Variants in DIXDC1 observed in about 807,000 individuals in gnomAD.
DIXDC1 encodes the protein dixin.
In DIXDC1, 64 loss-of-function variants were observed where a neutral mutation model predicts 103.1. The ratio of observed to expected loss-of-function variants is 0.62; its 90% CI spans 0.51 to 0.76. The LOEUF is 0.76. DIXDC1 is among the 30% of genes least tolerant of loss of function. The pLI, the probability that DIXDC1 is intolerant of heterozygous loss-of-function variation, is 0.00. For synonymous variants in DIXDC1, 266 were observed against 298.5 expected (o/e 0.89, Z 1.12); for missense variants, 759 against 834.2 (o/e 0.91, Z 1.11).
intron 1 of DIXDC1, among the ~76,000 whole-genome samples, chr11:111,951,954 C>G (rs1419818724): frequency 1.3e-5 from 2 of 151,870 alleles, no homozygotes; most frequent in Non-Finnish European, 2.9e-5. Context: ...CGATTTCCAC[C>G]TCCTAGGTTC....
At chr11:112,005,525 G>A (rs1861207369) in intron 17 of DIXDC1, among the ~76,000 whole-genome samples, 1 of 151,870 alleles carries the variant, frequency 6.6e-6, no homozygotes, top group African/African-American at 2.4e-5. Context: ...GTGAGACCCT[G>A]ACTCAACAAA....
intron 11 of DIXDC1, 58 bp downstream of exon 11, chr11:111,992,577 G>T: frequency 7.0e-7 from 1 of 1,436,880 alleles, no homozygotes; most frequent in Non-Finnish European, 9.6e-7. Context: ...ACAGGCTACT[G>T]CACGAAGAAC....
chr11:111,979,708 C>T (rs1182817498), intron 5 of DIXDC1, among the ~76,000 whole-genome samples: 1 of 152,172 alleles, frequency 6.6e-6, no homozygotes, highest in Non-Finnish European at 1.5e-5. Flanking sequence ...CGCCTGTAAT[C>T]CCAGTACAGA....
chr11:111,977,264 G>T lies in DIXDC1; in HGVS notation c.656+2281G>T. 1 of 1,001,684 alleles carries T rather than the reference G, an allele frequency of 1.0e-6. No individual in the cohort carries two copies. The highest frequency in any genetic ancestry group is 1.2e-6 in the Non-Finnish European group (1 of 841,494). The allele number at this position is 1,001,684 out of a possible 1,614,324, so 62.0% of individuals were successfully genotyped here. On this transcript the variant is annotated intron_variant, in intron 5 of 19. Coordinates refer to ENST00000440460, the MANE Select transcript of DIXDC1 (RefSeq NM_001037954.4). This position sits in a 1 kb window ranked among gnomAD's most constrained non-coding sequence, Gnocchi z 6.1. ...TGGGTCGGAGCCCGGCTGCCTCGCC[G>T]CGTGTGACAGCCCAGGGAGGGAGCA...
intron 17 of DIXDC1, among the ~76,000 whole-genome samples, chr11:112,008,924 A>G (rs1016890379): frequency 2.6e-5 from 4 of 152,200 alleles, no homozygotes; most frequent in African/African-American, 9.6e-5. Flanking sequence ...AAGAAATTCA[A>G]ACGCTAGCAA....
intron 17 of DIXDC1, among the ~76,000 whole-genome samples, chr11:112,006,249 GC>G (rs1429546934): frequency 2.6e-5 from 4 of 152,252 alleles, no homozygotes; most frequent in Non-Finnish European, 5.9e-5. Flanking sequence ...ACCTGCCATT[GC>G]TGAGGCTTGA....
At position 112,017,820 on chromosome 11, in the gene DIXDC1, C is replaced by G. The variant is rs782713707; in HGVS notation, c.1906C>G (p.Arg636Gly). 1.2e-6 allele frequency: 2 copies of G among 1,611,430 alleles called. No homozygotes were observed. The highest frequency in any genetic ancestry group is 1.7e-6 in the Non-Finnish European group (2 of 1,178,684). ...TLKDFKAAID[R>G]EGNHRYHFKA... is the part of the protein sequence containing the mutation. ...AAAGGATTTTAAAGCAGCTATTGAT[C>G]GGGAAGGAAATCACCGGTATCACTT... Residue 636 changes from arginine (R) to glycine (G), a missense_variant, in exon 19 of 20, where the codon CGG becomes GGG. Coordinates refer to ENST00000440460, the MANE Select transcript of DIXDC1 (RefSeq NM_001037954.4). The surrounding 1 kb of genome is among the most constrained non-coding windows in gnomAD (Gnocchi z 4.0).
chr11:111,994,805 A>G (rs1457080178), intron 14 of DIXDC1, among the ~76,000 whole-genome samples: 1 of 152,160 alleles, frequency 6.6e-6, no homozygotes, highest in African/African-American at 2.4e-5. Flanking sequence ...ACATCCAACA[A>G]TGCGTACTAA....
At chr11:111,937,132 G>GA, upstream of DIXDC1, 4 of 369,550 alleles carry the variant, frequency 1.1e-5, no homozygotes, top group Non-Finnish European at 1.4e-5. Context: ...CGGCCCGGGC[G>GA]GGGGGGGGGT....
chr11:111,981,309 G>GAGTT (rs1174581873), intron 6 of DIXDC1, among the ~76,000 whole-genome samples: 3 of 152,174 alleles, frequency 2.0e-5, no homozygotes, highest in African/African-American at 7.2e-5. Context: ...GGACCACAAA[G>GAGTT]AGTTCCCTTT....
chr11:111,964,061 G>T (rs1859652858), intron 1 of DIXDC1, among the ~76,000 whole-genome samples: 1 of 152,212 alleles, frequency 6.6e-6, no homozygotes, highest in Non-Finnish European at 1.5e-5. Context: ...GGGAGAGGCA[G>T]CTCTGAGCAT....
chr11:111,966,398 T>C (rs868922578), intron 2 of DIXDC1, among the ~76,000 whole-genome samples: 1 of 99,114 alleles, frequency 1.0e-5, no homozygotes, highest in Admixed American at 8.9e-5. Flanking sequence ...AATTTTTGTA[T>C]TTTTTTTTTT....
At chr11:111,994,907 AG>A in intron 14 of DIXDC1, 111 bp from the exon 15 acceptor site, 1 of 1,016,932 alleles carries the variant, frequency 9.8e-7, no homozygotes, top group South Asian at 1.6e-5. Context: ...GCCATTAAAC[AG>A]ACAATTATAT....
chr11:111,977,867 T>C lies in DIXDC1; in HGVS notation c.657-2870T>C, dbSNP rs141561866. 2.0e-6 allele frequency: 3 copies of C among 1,475,296 alleles called. No individual in the cohort carries two copies. Among genetic ancestry groups the C allele is most frequent in the Non-Finnish European group, 2.7e-6 (3 of 1,111,118 alleles). The allele number at this position is 1,475,296 out of a possible 1,614,324, so 91.4% of individuals were successfully genotyped here. A position where few individuals can be genotyped will look rare whatever the true frequency, so the allele number is the denominator to read the frequency against. On this transcript the variant is annotated intron_variant, in intron 5 of 19. Transcript: ENST00000440460. The surrounding 1 kb of genome is among the most constrained non-coding windows in gnomAD (Gnocchi z 6.1). ...ACAGGGGCAGGGCTGGAGGATGCTG[T>C]TGGCCGGAGACAGGCGGGGTGGTGG...
At position 112,019,266 on chromosome 11, in the gene DIXDC1, G is replaced by A. The variant is rs183067289; in HGVS notation, c.*230G>A. The A allele has an allele frequency of 1.8e-4, 71 of 398,766 alleles. No homozygotes were observed. Among genetic ancestry groups the A allele is most frequent in the Admixed American group, 7.8e-4 (21 of 27,018 alleles). The allele number at this position is 398,766 out of a possible 1,614,324, so 24.7% of individuals were successfully genotyped here. ...TGGGTTCATCTGGAGTTCCTTGTCC[G>A]TGGGAACACAGTGTTCTATTCTACT... On this transcript the variant is annotated 3_prime_UTR_variant, in exon 20 of 20. Coordinates refer to ENST00000440460, the MANE Select transcript of DIXDC1 (RefSeq NM_001037954.4).
rs587771601 is a variant in DIXDC1 at position 111,963,287 on chromosome 11, C to T, written c.61-1262C>T. Among the ~76,000 whole-genome samples the T allele has an allele frequency of 7.9e-5, 12 of 152,300 alleles. No individual in the cohort carries two copies. The South Asian group carries it at 2.3e-3, about 29-fold the overall frequency. ...TCAAACACCAAAAATTGGTTTAGTT[C>T]ATGATAGGTGCTCAATAAATATTAG... On this transcript the variant is annotated intron_variant, in intron 1 of 19. Coordinates refer to ENST00000440460, the MANE Select transcript of DIXDC1 (RefSeq NM_001037954.4).
chr11:111,975,155 T>TA, intron 5 of DIXDC1, 172 bp downstream of exon 5: 1 of 1,416,460 alleles, frequency 7.1e-7, no homozygotes, highest in Non-Finnish European at 9.2e-7. Flanking sequence ...AGTAGGAGGG[T>TA]AGGAAGGTAG....
chr11:112,009,752 T>C (rs1489714566), intron 17 of DIXDC1, among the ~76,000 whole-genome samples: 3 of 152,168 alleles, frequency 2.0e-5, no homozygotes, highest in Non-Finnish European at 4.4e-5. Flanking sequence ...TTCAACAAAA[T>C]TCAACAGCCC....
chr11:111,955,600 C>T (rs1287890872), intron 1 of DIXDC1, among the ~76,000 whole-genome samples: 8 of 151,492 alleles, frequency 5.3e-5, no homozygotes, highest in Non-Finnish European at 1.0e-4. Context: ...TTTGGGAAGC[C>T]AAGGCGGGTG....
Sources: allele counts gnomAD v4.1 joint callset (sites outside exome capture counted in the v4.1 genomes callset), GRCh38; gene constraint gnomAD v4.1.1; non-coding constraint Gnocchi (gnomAD v3.1); transcripts MANE v1.5; gene names NCBI Gene and HGNC (gene_info 2026-07-23, HGNC 2026-07-21).